COL24A1: variants seen among roughly 807,000 people sequenced by gnomAD.
COL24A1 encodes the protein collagen type XXIV alpha 1 chain.
In COL24A1, 224 loss-of-function variants were observed where a neutral mutation model predicts 253.9. That is an observed-to-expected ratio of 0.88 (90% CI 0.79 to 0.99). The LOEUF is 0.99. Ranked by LOEUF, COL24A1 falls within the 50% of genes least tolerant of loss-of-function variation. The pLI, the probability that COL24A1 is intolerant of heterozygous loss-of-function variation, is 0.00. For synonymous variants in COL24A1, 685 were observed against 673.7 expected, an observed-to-expected ratio of 1.02 and a Z score of -0.26; for missense variants, 2,131 against 2,068.5, an observed-to-expected ratio of 1.03 and a Z score of -0.59.
At chr1:85,811,977 T>C (rs1333984139) in intron 47 of COL24A1, among the ~76,000 whole-genome samples, 1 of 152,200 alleles carries the variant, frequency 6.6e-6, no homozygotes, top group Non-Finnish European at 1.5e-5. Flanking sequence ...CCTGCTTATA[T>C]CTGTAAGATT....
At chr1:85,882,678 G>A (rs991482787) in intron 32 of COL24A1, among the ~76,000 whole-genome samples, 4 of 152,010 alleles carry the variant, frequency 2.6e-5, no homozygotes, top group African/African-American at 7.3e-5. Flanking sequence ...TGCCTGCTGG[G>A]TCTCTCAATT....
At position 86,125,272 on chromosome 1, in the gene COL24A1, C is replaced by T. The variant is rs201337043; in HGVS notation, c.1064G>A (p.Arg355His). 287 of 1,613,416 alleles carry T rather than the reference C, an allele frequency of 1.8e-4. No homozygotes were observed. The highest frequency in any genetic ancestry group is 1.3e-3 in the Middle Eastern group (8 of 6,076). Residue 355 changes from arginine (R) to histidine (H), a missense_variant, in exon 3 of 60, where the codon CGC (arginine) becomes CAC (histidine). Coordinates refer to ENST00000370571, the MANE Select transcript of COL24A1 (RefSeq NM_152890.7). Reference protein sequence around the residue: ...TNFSLSVTTHRISEAKMNTKE... With the variant: ...TNFSLSVTTHHISEAKMNTKE... Reference sequence around the variant, plus strand: ...GGTATTCATTTTTGCCTCACTGATGCGATGAGTGGTCACTGACAGGCTGAA... The same window carrying T: ...GGTATTCATTTTTGCCTCACTGATGTGATGAGTGGTCACTGACAGGCTGAA...
intron 19 of COL24A1, among the ~76,000 whole-genome samples, chr1:86,012,095 A>G (rs1208597656): frequency 5.3e-5 from 8 of 152,116 alleles, no homozygotes; most frequent in Admixed American, 1.3e-4. Context: ...CTGGGATTAC[A>G]AGCATAAGCC....
intron 59 of COL24A1, 70 bp from the exon 60 acceptor site, chr1:85,730,762 C>A (rs1390017844): frequency 6.7e-7 from 1 of 1,498,442 alleles, no homozygotes; most frequent in African/African-American, 1.4e-5. Flanking sequence ...CAATGCCTTT[C>A]ACAGATAATG....
chr1:86,096,794 TTTCA>T (rs1251788854), intron 5 of COL24A1, among the ~76,000 whole-genome samples: 8 of 152,176 alleles, frequency 5.3e-5, no homozygotes, highest in African/African-American at 9.6e-5. Context: ...TCATAACTTC[TTTCA>T]TTGTTTGGTC....
chr1:86,031,871 T>A lies in COL24A1; in HGVS notation c.2049+7A>T. On this transcript the variant is annotated splice_region_variant and intron_variant, in intron 14 of 59. Transcript: ENST00000370571. ...TCTTAAGAATGATGATATTTAGTGA[T>A]ACTCACTCTAAGCCCAGGAAACCCC... is the stretch of plus-strand genomic sequence containing the variant. 1 of 1,599,598 alleles carries A rather than the reference T, an allele frequency of 6.3e-7. No individual in the cohort carries two copies. The highest frequency in any genetic ancestry group is 8.5e-7 in the Non-Finnish European group (1 of 1,172,226).
intron 19 of COL24A1, among the ~76,000 whole-genome samples, chr1:85,993,632 T>G (rs540997479): frequency 1.4e-4 from 22 of 152,208 alleles, no homozygotes; most frequent in Admixed American, 6.5e-5. Context: ...GTTCATTATC[T>G]TGATCTTGGT....
rs139661876 is a variant in COL24A1, at chr1:85,926,346, A to G, written c.2563-14913T>C. Among the ~76,000 whole-genome samples, 7 of 152,336 alleles carry G rather than the reference A, an allele frequency of 4.6e-5. 1 individual carries two copies. Among genetic ancestry groups the G allele is most frequent in the African/African-American group, 1.7e-4 (7 of 41,578 alleles). On this transcript the variant is annotated intron_variant, in intron 24 of 59. Transcript: ENST00000370571. ...CTGGGTATATACCCAAAGGATTGTA[A>G]GTCATGCTACTATAAAGACACATGC...
rs1335823499 is a variant in COL24A1 at position 85,730,087 on chromosome 1, C to A, written c.*459G>T. The A allele has an allele frequency of 6.5e-6, 1 of 152,998 alleles. No individual in the cohort carries two copies. The highest frequency in any genetic ancestry group is 1.5e-5 in the Non-Finnish European group (1 of 68,354). 9.5% of individuals were successfully genotyped at this position (152,998 alleles called of 1,614,324 possible). A position where few individuals can be genotyped will look rare whatever the true frequency, so the allele number is the denominator to read the frequency against. ...TGTATCACCGGCTAAGATGTATATG[C>A]CCATCGGGGACCTGAATACAGCTTA... On this transcript the variant is annotated 3_prime_UTR_variant, in exon 60 of 60. Transcript: ENST00000370571.
intron 53 of COL24A1, among the ~76,000 whole-genome samples, chr1:85,775,227 T>C (rs757685189): frequency 6.6e-6 from 1 of 152,228 alleles, no homozygotes; most frequent in Non-Finnish European, 1.5e-5. Context: ...TGCAGTGTTG[T>C]CTGAGAGACA....
At chr1:85,871,213 C>T (rs1018598926) in intron 35 of COL24A1, among the ~76,000 whole-genome samples, 1 of 152,012 alleles carries the variant, frequency 6.6e-6, no homozygotes, top group Non-Finnish European at 1.5e-5. Flanking sequence ...TAATAGCCTA[C>T]CAACCAAAAA....
In COL24A1 at chr1:85,907,178, T is replaced by C. The variant is rs368912104; in HGVS notation, c.2778+16A>G. ...TTTTGGGGGGGTTAATGTACTTTTT[T>C]CCTTAGATTACTTACTCTTTGTCCT... On this transcript the variant is annotated intron_variant, in intron 28 of 59. Coordinates refer to ENST00000370571, the MANE Select transcript of COL24A1 (RefSeq NM_152890.7). 2.8e-4 allele frequency: 449 copies of C among 1,607,748 alleles called. No homozygotes were observed. The African/African-American group carries it at 4.2e-3, about 15-fold the overall frequency.
intron 2 of COL24A1, among the ~76,000 whole-genome samples, chr1:86,139,181 G>GA (rs999437975): frequency 5.3e-5 from 8 of 150,878 alleles, no homozygotes; most frequent in Non-Finnish European, 7.4e-5. Context: ...AAGGAGAAAG[G>GA]GGGGGGAGAG....
intron 20 of COL24A1, among the ~76,000 whole-genome samples, 165 bp from the exon 21 acceptor site, chr1:85,971,558 A>C (rs1433320494): frequency 6.6e-6 from 1 of 152,200 alleles, no homozygotes; most frequent in Non-Finnish European, 1.5e-5. Context: ...ACTACTGGGC[A>C]TCTAAAAATA....
chr1:86,132,713 C>T (rs1485774107), intron 2 of COL24A1, among the ~76,000 whole-genome samples: 2 of 152,048 alleles, frequency 1.3e-5, no homozygotes, highest in Non-Finnish European at 2.9e-5. Context: ...CTGTTCTGTT[C>T]CATTGGTCTA....
rs914154034 is a variant in COL24A1 at position 85,935,283 on chromosome 1, C to T, written c.2563-23850G>A. Reference sequence around the variant, plus strand: ...AACAATAACATTTAGAGAGTTGGTTCGGAAAAAGAAAACTTAAAGTTGACT... The same window carrying T: ...AACAATAACATTTAGAGAGTTGGTTTGGAAAAAGAAAACTTAAAGTTGACT... On this transcript the variant is annotated intron_variant, in intron 24 of 59. Coordinates refer to ENST00000370571, the MANE Select transcript of COL24A1 (RefSeq NM_152890.7). Among the ~76,000 whole-genome samples, 11 of 146,942 alleles carry T rather than the reference C, an allele frequency of 7.5e-5. 2 individuals carry two copies. Among genetic ancestry groups the T allele is most frequent in the African/African-American group, 5.0e-5 (2 of 40,092 alleles).
intron 5 of COL24A1, among the ~76,000 whole-genome samples, chr1:86,109,915 C>T (rs959801255): frequency 6.6e-6 from 1 of 152,200 alleles, no homozygotes; most frequent in Non-Finnish European, 1.5e-5. Flanking sequence ...TAGCTAGTTC[C>T]TTCCATTGTG....
At position 85,838,657 on chromosome 1, in the gene COL24A1, A is replaced by C; in HGVS notation, c.3628-19T>G. On this transcript the variant is annotated intron_variant, in intron 42 of 59. Transcript: ENST00000370571. ...CTGGACCCTACAGAGACCACACACAAAACAATCAGTTTTACAGCTGGATCA... is the reference window on the plus strand; with the variant it reads ...CTGGACCCTACAGAGACCACACACACAACAATCAGTTTTACAGCTGGATCA... 1 of 1,612,722 alleles carries C rather than the reference A, an allele frequency of 6.2e-7. No homozygotes were observed. The highest frequency in any genetic ancestry group is 8.5e-7 in the Non-Finnish European group (1 of 1,178,924).
intron 24 of COL24A1, among the ~76,000 whole-genome samples, chr1:85,954,483 A>T (rs1442802112): frequency 1.3e-5 from 2 of 152,226 alleles, no homozygotes; most frequent in Non-Finnish European, 2.9e-5. Flanking sequence ...GACTTTGGAC[A>T]AGTTTCTTGA....
Sources: allele counts gnomAD v4.1 joint callset (sites outside exome capture counted in the v4.1 genomes callset), GRCh38; gene constraint gnomAD v4.1.1; transcripts MANE v1.5; gene names NCBI Gene and HGNC (gene_info 2026-07-23, HGNC 2026-07-21).